ASPH: variants seen among roughly 807,000 people sequenced by gnomAD.
ASPH encodes the protein aspartate beta-hydroxylase, also known as aspartyl/asparaginyl beta-hydroxylase.
A neutral mutation model predicts 118.4 loss-of-function variants in ASPH; 100 were observed. The observed-to-expected ratio is 0.84, with a 90% CI of 0.72 to 1.00. The LOEUF (loss-of-function observed/expected upper bound fraction) is 1.00. Among genes scored for constraint, ASPH ranks in the 50% least tolerant of loss-of-function variants. The probability of loss-of-function intolerance (pLI) is 0.00; values close to 1 mark genes in which losing one functional copy is unlikely to be tolerated. For synonymous variants in ASPH, 315 were observed against 325.6 expected (o/e 0.97, Z 0.35); for missense variants, 920 against 919.5 (o/e 1.00, Z -0.01).
At chr8:61,694,541 C>T (rs1037891859) in intron 1 of ASPH, among the ~76,000 whole-genome samples, 5 of 152,188 alleles carry the variant, frequency 3.3e-5, no homozygotes, top group African/African-American at 1.2e-4. Flanking sequence ...TGACTTGACC[C>T]TCTCAGCAGA....
intron 24 of ASPH, chr8:61,517,269 G>A (rs751313958): frequency 7.3e-5 from 30 of 412,384 alleles, no homozygotes; most frequent in Non-Finnish European, 1.1e-4. Context: ...CCCAGAGAGA[G>A]AAACAAGGCA....
intron 1 of ASPH, among the ~76,000 whole-genome samples, chr8:61,696,441 C>T (rs565805602): frequency 1.9e-4 from 29 of 152,252 alleles, no homozygotes; most frequent in Non-Finnish European, 3.4e-4. Context: ...GTGCTAATAC[C>T]GATTTACTGC....
intron 21 of ASPH, among the ~76,000 whole-genome samples, chr8:61,530,013 C>T (rs998646528): frequency 6.6e-6 from 1 of 152,122 alleles, no homozygotes; most frequent in Non-Finnish European, 1.5e-5. Context: ...ACCATATCAG[C>T]GTATGTGTGT....
chr8:61,638,189 C>G, intron 11 of ASPH, 133 bp downstream of exon 11: 1 of 1,241,704 alleles, frequency 8.1e-7, no homozygotes, highest in Non-Finnish European at 1.1e-6. Context: ...TTTTGATACT[C>G]AATTATTTTC....
chr8:61,578,958 T>C, intron 15 of ASPH: 2 of 1,611,352 alleles, frequency 1.2e-6, no homozygotes, highest in Middle Eastern at 1.8e-4. Context: ...TGTGGTGCTG[T>C]CCATGGACAA....
intron 20 of ASPH, among the ~76,000 whole-genome samples, chr8:61,552,346 T>G (rs1204802321): frequency 1.3e-5 from 2 of 152,234 alleles, no homozygotes; most frequent in Admixed American, 1.3e-4. Flanking sequence ...TGAGACAATG[T>G]TATGGTTATA....
At chr8:61,683,724 T>C (rs28553896) in intron 2 of ASPH, 3,250 of 193,654 alleles carry the variant, frequency 0.017, 43 homozygotes, top group Non-Finnish European at 0.024. Context: ...AAATTTATAA[T>C]ATAACAAAAT....
chr8:61,568,109 A>G (rs1832355071), intron 16 of ASPH, among the ~76,000 whole-genome samples: 1 of 152,188 alleles, frequency 6.6e-6, no homozygotes, highest in Non-Finnish European at 1.5e-5. Flanking sequence ...AGATATTGAC[A>G]ATTCTAGTAC....
intron 21 of ASPH, among the ~76,000 whole-genome samples, chr8:61,532,753 T>C (rs946104889): frequency 6.6e-5 from 10 of 152,184 alleles, no homozygotes; most frequent in African/African-American, 2.4e-4. Flanking sequence ...AGTATAGTGT[T>C]TAGGGGTATA....
intron 22 of ASPH, among the ~76,000 whole-genome samples, chr8:61,522,101 CAA>C (rs1045321702): frequency 2.0e-5 from 3 of 152,208 alleles, no homozygotes; most frequent in Admixed American, 6.5e-5. Flanking sequence ...AAGATAAGAG[CAA>C]AATAGACGTT....
chr8:61,552,911 T>C (rs1389717151), intron 20 of ASPH, 120 bp downstream of exon 20: 1 of 800,146 alleles, frequency 1.2e-6, no homozygotes, highest in Non-Finnish European at 2.0e-6. Flanking sequence ...AAATAGTTTA[T>C]ATCACTGCTT....
chr8:61,676,581 T>C (rs1205770524), intron 3 of ASPH, among the ~76,000 whole-genome samples: 1 of 151,968 alleles, frequency 6.6e-6, no homozygotes, highest in African/African-American at 2.4e-5. Context: ...CTCATTAGAG[T>C]GTTGAGTTGA....
At chr8:61,522,080 T>A (rs1460782249) in intron 22 of ASPH, among the ~76,000 whole-genome samples, 3 of 152,238 alleles carry the variant, frequency 2.0e-5, no homozygotes, top group Non-Finnish European at 4.4e-5. Flanking sequence ...TCACTGTTGG[T>A]GGCACTTATT....
chr8:61,535,234 T>G (rs1819062323), intron 21 of ASPH, among the ~76,000 whole-genome samples: 1 of 152,156 alleles, frequency 6.6e-6, no homozygotes, highest in Admixed American at 6.5e-5. Flanking sequence ...TTATATAGCT[T>G]CAAGTTTGAA....
At chr8:61,517,907 G>T in intron 23 of ASPH, 125 bp downstream of exon 23, 1 of 1,162,140 alleles carries the variant, frequency 8.6e-7, no homozygotes, top group Non-Finnish European at 1.2e-6. Context: ...TTATGTTTCA[G>T]TAAAAAGGGC....
chr8:61,690,112 A>C (rs1832192629), intron 1 of ASPH, among the ~76,000 whole-genome samples: 5 of 152,220 alleles, frequency 3.3e-5, no homozygotes, highest in Admixed American at 3.3e-4. Context: ...CAATTCATTG[A>C]AAACTCAAAC....
chr8:61,525,703 G>A (rs565208218), intron 22 of ASPH, among the ~76,000 whole-genome samples: 1 of 152,212 alleles, frequency 6.6e-6, no homozygotes, highest in South Asian at 2.1e-4. Context: ...CATTCAACAG[G>A]AAAGACCAGA....
At chr8:61,595,201 A>T (rs1019615327) in intron 14 of ASPH, among the ~76,000 whole-genome samples, 6 of 152,344 alleles carry the variant, frequency 3.9e-5, no homozygotes, top group African/African-American at 9.6e-5. Flanking sequence ...CTTGCTTTAT[A>T]GTAGAGGTGG....
At chr8:61,528,078 C>T (rs1183217551) in intron 21 of ASPH, among the ~76,000 whole-genome samples, 3 of 152,286 alleles carry the variant, frequency 2.0e-5, no homozygotes, top group African/African-American at 7.2e-5. Flanking sequence ...TCTACACCTG[C>T]TACTACCATT....
Sources: gnomAD v4.1 joint callset for allele counts (sites outside exome capture counted in the v4.1 genomes callset) on GRCh38, gnomAD v4.1.1 for gene constraint, MANE v1.5 for transcripts, NCBI Gene and HGNC (gene_info 2026-07-23, HGNC 2026-07-21) for gene names.